Variants in PCDHGA10 observed in about 807,000 individuals in gnomAD.
PCDHGA10 encodes the protein protocadherin gamma-A10.
In PCDHGA10, 42 loss-of-function variants were observed where a neutral mutation model predicts 59.5. That is an observed-to-expected ratio of 0.71 (90% CI 0.55 to 0.91). The LOEUF (loss-of-function observed/expected upper bound fraction) is 0.91. PCDHGA10 is among the 40% of genes least tolerant of loss of function. The pLI, the probability that PCDHGA10 is intolerant of heterozygous loss-of-function variation, is 0.00. For missense variants in PCDHGA10, 1,111 were observed against 1,198.2 expected (o/e 0.93, Z 1.07); for synonymous variants, 511 against 517.2 (o/e 0.99, Z 0.16).
Position 141,413,526 on chromosome 5 carries a change from G to A in PCDHGA10, c.351G>A (p.Arg117=). The change falls in exon 1 of 4, where the codon AGG becomes AGA. Residue 117 remains arginine (R), a synonymous_variant. Transcript: ENST00000398610. ...GTTTTAATATCCTTGTGGAAGACAG[G>A]GTGAAACTTTTTGGGATAGAAATAG... is the stretch of plus-strand genomic sequence containing the variant. ...VVSFNILVED[R]VKLFGIEIEV... 1 of 1,613,936 alleles carries A rather than the reference G, an allele frequency of 6.2e-7. No homozygotes were observed. Among genetic ancestry groups the A allele is most frequent in the Non-Finnish European group, 8.5e-7 (1 of 1,179,906 alleles).
At chr5:141,509,887 T>C (rs138950510) in intron 3 of PCDHGA10, among the ~76,000 whole-genome samples, 1 of 152,314 alleles carries the variant, frequency 6.6e-6, no homozygotes, top group East Asian at 1.9e-4. Flanking sequence ...TGATGGTGAC[T>C]GACTGTCCCT....
At chr5:141,421,662 G>A (rs2096591243) in intron 1 of PCDHGA10, 3 of 1,613,844 alleles carry the variant, frequency 1.9e-6, no homozygotes, top group South Asian at 1.1e-5. Context: ...AAGTCAGTGA[G>A]CACGCAATTC....
intron 1 of PCDHGA10, chr5:141,427,791 G>T (rs763294539): frequency 1.3e-6 from 2 of 1,488,082 alleles, no homozygotes; most frequent in South Asian, 1.1e-5. Context: ...GTCGTCCTAC[G>T]TGTCCGTGAG....
chr5:141,466,486 T>C (rs1005010773), intron 1 of PCDHGA10, among the ~76,000 whole-genome samples: 1 of 152,240 alleles, frequency 6.6e-6, no homozygotes, highest in Non-Finnish European at 1.5e-5. Flanking sequence ...GTAGGTCTTC[T>C]TTAATTAGAG....
At chr5:141,496,310 A>G (rs1446146598) in intron 2 of PCDHGA10, among the ~76,000 whole-genome samples, 1 of 152,218 alleles carries the variant, frequency 6.6e-6, no homozygotes, top group East Asian at 1.9e-4. Context: ...GCTCTGCGCC[A>G]GGCCTCCCAG....
intron 1 of PCDHGA10, among the ~76,000 whole-genome samples, chr5:141,467,047 A>G (rs1271306217): frequency 1.3e-5 from 2 of 149,986 alleles, no homozygotes; most frequent in East Asian, 3.9e-4. Context: ...GTAATGAATC[A>G]ATGTTTTCTT....
Position 141,414,827 on chromosome 5 carries a change from C to T in PCDHGA10, c.1652C>T (p.Ser551Leu), listed in dbSNP as rs1253521902. The change falls in exon 1 of 4, where the codon TCG (serine) becomes TTG (leucine). Residue 551 changes from serine to leucine, a missense_variant. Physicochemically the swap from Ser to Leu is moderately radical, Grantham distance 145. Coordinates refer to ENST00000398610, the MANE Select transcript of PCDHGA10 (RefSeq NM_018913.3). Reference sequence around the variant, plus strand: ...GATCCTCCACTCAGCAGCAACGTGTCGTTGAGCCTGTTTGTGCTGGACCAG... The same window carrying T: ...GATCCTCCACTCAGCAGCAACGTGTTGTTGAGCCTGTTTGTGCTGGACCAG... ...SGDPPLSSNV[S>L]LSLFVLDQND... 1.9e-6 allele frequency: 3 copies of T among 1,614,116 alleles called. No individual in the cohort carries two copies. Among genetic ancestry groups the T allele is most frequent in the African/African-American group, 1.3e-5 (1 of 74,946 alleles).
chr5:141,509,255 T>A (rs1434555633), intron 3 of PCDHGA10, among the ~76,000 whole-genome samples: 1 of 152,158 alleles, frequency 6.6e-6, no homozygotes, highest in African/African-American at 2.4e-5. Flanking sequence ...CCTCTCCGGC[T>A]TTAGTCACTC....
Position 141,491,262 on chromosome 5 carries a change from G to A in PCDHGA10, c.2437-3545G>A. ...TGGAGGATGAGGACCCTGAGGAAATGCCCAAATCCAGTGACTTCCTCATAC... is the reference window on the plus strand; with the variant it reads ...TGGAGGATGAGGACCCTGAGGAAATACCCAAATCCAGTGACTTCCTCATAC... On this transcript the variant is annotated intron_variant, in intron 1 of 3. Transcript: ENST00000398610. The surrounding 1 kb of genome is among the most constrained non-coding windows in gnomAD (Gnocchi z 6.9). 2 of 1,614,122 alleles carry A rather than the reference G, an allele frequency of 1.2e-6. No individual in the cohort carries two copies. Among genetic ancestry groups the A allele is most frequent in the Non-Finnish European group, 1.7e-6 (2 of 1,179,952 alleles).
At chr5:141,452,909 TAC>T (rs1370071626) in intron 1 of PCDHGA10, among the ~76,000 whole-genome samples, 2 of 152,232 alleles carry the variant, frequency 1.3e-5, no homozygotes, top group African/African-American at 4.8e-5. Context: ...GTTGGCATTA[TAC>T]AGTAAGAAAG....
At chr5:141,500,728 T>C (rs556463739) in intron 2 of PCDHGA10, among the ~76,000 whole-genome samples, 1 of 152,310 alleles carries the variant, frequency 6.6e-6, no homozygotes, top group South Asian at 2.1e-4. Context: ...CCCATGTCTT[T>C]CAAAATTCTT....
rs772444495 is a variant in PCDHGA10 at position 141,491,766 on chromosome 5, T to C, written c.2437-3041T>C. 14 of 1,567,738 alleles carry C rather than the reference T, an allele frequency of 8.9e-6. No homozygotes were observed. The African/African-American group carries it at 1.6e-4, about 18-fold the overall frequency. ...GCACTGGAGAAGCCGCCCGTCCTCA[T>C]AAGGGATTGAACTTGCATCCACTCC... On this transcript the variant is annotated intron_variant, in intron 1 of 3. Coordinates refer to ENST00000398610, the MANE Select transcript of PCDHGA10 (RefSeq NM_018913.3). The surrounding 1 kb of genome is among the most constrained non-coding windows in gnomAD (Gnocchi z 6.9).
At chr5:141,502,866 C>CTTT (rs549047197) in intron 2 of PCDHGA10, among the ~76,000 whole-genome samples, 3 of 128,046 alleles carry the variant, frequency 2.3e-5, no homozygotes, top group African/African-American at 9.3e-5. Context: ...GACTCTCTGT[C>CTTT]TTTTTTTTTT....
In PCDHGA10 at chr5:141,434,915, T is replaced by A. The variant is rs1301814716; in HGVS notation, c.2436+19304T>A. Among the ~76,000 whole-genome samples, 3 of 151,830 alleles carry A rather than the reference T, an allele frequency of 2.0e-5. No homozygotes were observed. The East Asian group carries it at 5.8e-4, about 29-fold the overall frequency. ...GTCCCCTTCCCTCATACCTTATTTATGTACATATATTTTATATAATAGATA... is the reference window on the plus strand; with the variant it reads ...GTCCCCTTCCCTCATACCTTATTTAAGTACATATATTTTATATAATAGATA... On this transcript the variant is annotated intron_variant, in intron 1 of 3. Transcript: ENST00000398610.
Position 141,489,732 on chromosome 5 carries a change from C to T in PCDHGA10, c.2437-5075C>T, listed in dbSNP as rs1562132763. On this transcript the variant is annotated intron_variant, in intron 1 of 3. Coordinates refer to ENST00000398610, the MANE Select transcript of PCDHGA10 (RefSeq NM_018913.3). This position sits in a 1 kb window ranked among gnomAD's most constrained non-coding sequence, Gnocchi z 4.5. ...GTGCCCAGGATCCGGATGTGGGCAC[C>T]AATACTGTGAGCTTTTACACTCTAA... 3.1e-6 allele frequency: 5 copies of T among 1,614,126 alleles called. No individual in the cohort carries two copies. The highest frequency in any genetic ancestry group is 1.1e-5 in the South Asian group (1 of 91,074).
Position 141,431,364 on chromosome 5 carries a change from G to T in PCDHGA10, c.2436+15753G>T, listed in dbSNP as rs773688069. 3 of 1,613,892 alleles carry T rather than the reference G, an allele frequency of 1.9e-6. No individual in the cohort carries two copies. The East Asian group carries it at 6.7e-5, about 36-fold the overall frequency. ...TTGGTGCTGAAACGCGCCCTGGACC[G>T]CGAAGAAAAGGCTGCTCACCACCTG... On this transcript the variant is annotated intron_variant, in intron 1 of 3. Coordinates refer to ENST00000398610, the MANE Select transcript of PCDHGA10 (RefSeq NM_018913.3). The surrounding 1 kb of genome is among the most constrained non-coding windows in gnomAD (Gnocchi z 4.8).
intron 1 of PCDHGA10, among the ~76,000 whole-genome samples, chr5:141,467,758 C>CTCAA (rs933308513): frequency 6.6e-5 from 10 of 152,018 alleles, no homozygotes; most frequent in Admixed American, 5.9e-4. Flanking sequence ...GCCTCACATG[C>CTCAA]TCAAGTGCCC....
At chr5:141,427,808 G>C (rs756554301) in intron 1 of PCDHGA10, 1 of 1,522,948 alleles carries the variant, frequency 6.6e-7, no homozygotes, top group Non-Finnish European at 9.0e-7. Context: ...TGAGCGCACA[G>C]AGCGGGGTGG....
At position 141,486,392 on chromosome 5, in the gene PCDHGA10, C is replaced by T; in HGVS notation, c.2437-8415C>T. ...GTCTGCCTTCAGGAACCAGTTCTCC[C>T]TGGTGACTGCTGGACCCTTGGATCG... On this transcript the variant is annotated intron_variant, in intron 1 of 3. Coordinates refer to ENST00000398610, the MANE Select transcript of PCDHGA10 (RefSeq NM_018913.3). The surrounding 1 kb of genome is among the most constrained non-coding windows in gnomAD (Gnocchi z 5.0). 1 of 1,614,170 alleles carries T rather than the reference C, an allele frequency of 6.2e-7. No individual in the cohort carries two copies. Among genetic ancestry groups the T allele is most frequent in the Non-Finnish European group, 8.5e-7 (1 of 1,180,014 alleles).
Sources: allele counts gnomAD v4.1 joint callset (sites outside exome capture counted in the v4.1 genomes callset), GRCh38; gene constraint gnomAD v4.1.1; non-coding constraint Gnocchi (gnomAD v3.1); transcripts MANE v1.5; gene names NCBI Gene and HGNC (gene_info 2026-07-23, HGNC 2026-07-21).